The following HS6ST3 variants were observed in gnomAD, a reference collection of about 807,000 sequenced individuals.
HS6ST3 encodes the protein heparan sulfate 6-O-sulfotransferase 3, also known as heparan-sulfate 6-O-sulfotransferase 3.
A neutral mutation model predicts 36.7 loss-of-function variants in HS6ST3; 12 were observed. The observed-to-expected ratio is 0.33, with a 90% confidence interval of 0.21 to 0.53. The LOEUF (loss-of-function observed/expected upper bound fraction) is 0.53, where lower values mean the gene tolerates loss of function less well. Ranked by LOEUF, HS6ST3 falls within the 20% of genes least tolerant of loss-of-function variation. HS6ST3 has a pLI of 0.95. For missense variants in HS6ST3, 584 were observed against 640.9 expected, an observed-to-expected ratio of 0.91 and a Z score of 0.96; for synonymous variants, 240 against 257.5, an observed-to-expected ratio of 0.93 and a Z score of 0.65.
chr13:96,335,260 T>C lies in HS6ST3; in HGVS notation c.707+243691T>C, dbSNP rs1055538864. On this transcript the variant is annotated intron_variant, in intron 1 of 1. Transcript: ENST00000376705. ...CCAATGTGAGGTGTCCCAGGAACTC[T>C]TGCAGGTTAAAAGAAGTTGAAAAGT... 1.2e-4 allele frequency among the ~76,000 whole-genome samples: 18 copies of C among 152,292 alleles called. No homozygotes were observed. In the South Asian group the frequency reaches 2.3e-3, roughly 19 times the overall value.
chr13:96,097,881 T>G (rs2053798984), intron 1 of HS6ST3, among the ~76,000 whole-genome samples: 1 of 152,228 alleles, frequency 6.6e-6, no homozygotes, highest in Non-Finnish European at 1.5e-5. Flanking sequence ...TTAGATTACC[T>G]TGAAAACATA....
At chr13:96,477,974 A>T (rs915312785) in intron 1 of HS6ST3, among the ~76,000 whole-genome samples, 1 of 152,188 alleles carries the variant, frequency 6.6e-6, no homozygotes, top group Non-Finnish European at 1.5e-5. Flanking sequence ...CAAACCAAAC[A>T]AAAACCTCTT....
chr13:96,649,413 C>T (rs2056599944), intron 1 of HS6ST3, among the ~76,000 whole-genome samples: 1 of 152,062 alleles, frequency 6.6e-6, no homozygotes, highest in South Asian at 2.1e-4. Flanking sequence ...TGGTCCCTCC[C>T]ATGACACATG....
intron 1 of HS6ST3, among the ~76,000 whole-genome samples, chr13:96,438,365 C>T (rs1469893013): frequency 6.6e-6 from 1 of 152,200 alleles, no homozygotes; most frequent in Non-Finnish European, 1.5e-5. Context: ...ATACTGCATA[C>T]TCTTATGTGA....
chr13:96,500,740 C>T (rs1217241497), intron 1 of HS6ST3, among the ~76,000 whole-genome samples: 4 of 152,312 alleles, frequency 2.6e-5, no homozygotes, highest in East Asian at 1.9e-4. Flanking sequence ...AATAAATTAT[C>T]ACTCTGTGAC....
intron 1 of HS6ST3, among the ~76,000 whole-genome samples, chr13:96,688,213 T>TATAATAATAATAATAATAATAATA (rs536989647): frequency 1.3e-4 from 10 of 75,046 alleles, no homozygotes; most frequent in Admixed American, 2.7e-4. Flanking sequence ...GAACTTAAAG[T>TATAATAATAATAATAATAATAATA]ATAATAATAA....
intron 1 of HS6ST3, among the ~76,000 whole-genome samples, chr13:96,370,491 G>C (rs555396056): frequency 3.7e-4 from 56 of 152,254 alleles, no homozygotes; most frequent in African/African-American, 1.3e-3. Flanking sequence ...ACATTATCTA[G>C]CTTAAGAACT....
intron 1 of HS6ST3, among the ~76,000 whole-genome samples, chr13:96,813,084 T>A (rs1269703413): frequency 6.6e-6 from 1 of 152,236 alleles, no homozygotes; most frequent in Non-Finnish European, 1.5e-5. Context: ...GAACTGTATT[T>A]AAAGCGCTTG....
At chr13:96,201,767 A>G (rs1300364697) in intron 1 of HS6ST3, among the ~76,000 whole-genome samples, 3 of 152,228 alleles carry the variant, frequency 2.0e-5, no homozygotes, top group African/African-American at 7.2e-5. Context: ...TTTATTAGGT[A>G]CTAAGAGTAG....
At chr13:96,795,005 T>C (rs1383645919) in intron 1 of HS6ST3, among the ~76,000 whole-genome samples, 1 of 152,072 alleles carries the variant, frequency 6.6e-6, no homozygotes. Context: ...GCAAAGCATA[T>C]TGATTTTCAT....
rs148705092 is a variant in HS6ST3, at chr13:96,213,473, C to G, written c.707+121904C>G. 4.6e-4 allele frequency among the ~76,000 whole-genome samples: 70 copies of G among 152,050 alleles called. No homozygotes were observed. The South Asian group carries it at 7.7e-3, about 17-fold the overall frequency. The stretch of plus-strand genomic sequence containing the variant: ...CAGCTGAGCTGAACACCAAGGGAAG[C>G]AAATTCATGTCTCCTACCCTTTGGC... On this transcript the variant is annotated intron_variant, in intron 1 of 1. Transcript: ENST00000376705.
At chr13:96,751,469 A>G (rs1174615271) in intron 1 of HS6ST3, among the ~76,000 whole-genome samples, 3 of 152,148 alleles carry the variant, frequency 2.0e-5, no homozygotes, top group Non-Finnish European at 2.9e-5. Context: ...GAGGGAGCGC[A>G]AACTCAATAC....
intron 1 of HS6ST3, among the ~76,000 whole-genome samples, chr13:96,103,068 G>C (rs552051390): frequency 4.7e-4 from 71 of 152,076 alleles, no homozygotes; most frequent in African/African-American, 1.6e-3. Flanking sequence ...TTGAGAAGGG[G>C]GTGGAGGGGC....
chr13:96,528,810 T>C (rs1316781813), intron 1 of HS6ST3, among the ~76,000 whole-genome samples: 1 of 152,178 alleles, frequency 6.6e-6, no homozygotes, highest in African/African-American at 2.4e-5. Flanking sequence ...AGATTTTCTT[T>C]ACATCCTTCA....
chr13:96,640,978 G>A (rs769098303), intron 1 of HS6ST3, among the ~76,000 whole-genome samples: 1 of 151,998 alleles, frequency 6.6e-6, no homozygotes, highest in Non-Finnish European at 1.5e-5. Context: ...CTGAAGTCAG[G>A]TGATATGATG....
chr13:96,221,008 A>G (rs925545195), intron 1 of HS6ST3, among the ~76,000 whole-genome samples: 38 of 152,206 alleles, frequency 2.5e-4, no homozygotes, highest in Admixed American at 4.6e-4. Flanking sequence ...AAATATTATT[A>G]TACATTTGGG....
At chr13:96,379,288 C>G (rs912672658) in intron 1 of HS6ST3, among the ~76,000 whole-genome samples, 1 of 152,166 alleles carries the variant, frequency 6.6e-6, no homozygotes, top group Non-Finnish European at 1.5e-5. Flanking sequence ...TGATGTTATT[C>G]AGAGGTGGGG....
At chr13:96,202,635 G>A (rs2054348578) in intron 1 of HS6ST3, among the ~76,000 whole-genome samples, 1 of 152,144 alleles carries the variant, frequency 6.6e-6, no homozygotes, top group Non-Finnish European at 1.5e-5. Flanking sequence ...AGACCACTCT[G>A]ATTTATGTTC....
intron 1 of HS6ST3, among the ~76,000 whole-genome samples, chr13:96,406,466 G>A (rs2055478907): frequency 6.6e-6 from 1 of 152,156 alleles, no homozygotes; most frequent in Non-Finnish European, 1.5e-5. Flanking sequence ...ACTGAACACT[G>A]AAGTGCTGTA....
Sources: allele counts gnomAD v4.1 joint callset (sites outside exome capture counted in the v4.1 genomes callset), GRCh38; gene constraint gnomAD v4.1.1; transcripts MANE v1.5; gene names NCBI Gene and HGNC (gene_info 2026-07-23, HGNC 2026-07-21).